The following USP32 variants were observed in gnomAD, a reference collection of about 807,000 sequenced individuals.
The protein encoded by USP32 is ubiquitin specific peptidase 32.
In USP32, 59 loss-of-function variants were observed where a neutral mutation model predicts 204.8. The ratio of observed to expected loss-of-function variants is 0.29; its 90% confidence interval spans 0.23 to 0.36. USP32 has a LOEUF of 0.36. Among genes scored for constraint, USP32 ranks in the 10% least tolerant of loss-of-function variants. USP32 has a pLI of 1.00. For synonymous variants in USP32, 517 were observed against 678.4 expected, an observed-to-expected ratio of 0.76 and a Z score of 3.70; for missense variants, 1,160 against 1,946.4, an observed-to-expected ratio of 0.60 and a Z score of 7.60.
At chr17:60,378,144 T>G (rs577183891) in intron 1 of USP32, among the ~76,000 whole-genome samples, 1 of 152,178 alleles carries the variant, frequency 6.6e-6, no homozygotes, top group Non-Finnish European at 1.5e-5. Flanking sequence ...AAGGATTGAA[T>G]AGACATGTCT....
intron 1 of USP32, among the ~76,000 whole-genome samples, chr17:60,380,091 G>C (rs1468519199): frequency 6.6e-6 from 1 of 152,188 alleles, no homozygotes; most frequent in Non-Finnish European, 1.5e-5. Flanking sequence ...TCCAAAGAAG[G>C]TAAGATTTAG....
intron 1 of USP32, among the ~76,000 whole-genome samples, chr17:60,346,941 G>A (rs1405143000): frequency 6.6e-6 from 1 of 152,178 alleles, no homozygotes; most frequent in Admixed American, 6.5e-5. Flanking sequence ...CCAAGTCACA[G>A]AGACTCTGTC....
At chr17:60,267,553 C>T (rs893378015) in intron 7 of USP32, among the ~76,000 whole-genome samples, 5 of 150,840 alleles carry the variant, frequency 3.3e-5, no homozygotes, top group African/African-American at 7.3e-5. Flanking sequence ...TTTGAGATGG[C>T]GTCTCGCTCT....
intron 9 of USP32, among the ~76,000 whole-genome samples, chr17:60,263,508 T>C (rs2086508353): frequency 7.2e-5 from 11 of 152,224 alleles, no homozygotes; most frequent in Admixed American, 7.2e-4. Flanking sequence ...TTCATTATCA[T>C]GGTTACATGG....
intron 4 of USP32, 83 bp downstream of exon 4, chr17:60,294,596 CTGTT>C (rs2145870121): frequency 2.6e-6 from 2 of 758,202 alleles, no homozygotes; most frequent in East Asian, 5.5e-5. Flanking sequence ...ACATAAACAT[CTGTT>C]TGTCATACTT....
rs1204259715 is a variant in USP32 at position 60,226,024 on chromosome 17, A to C, written c.1432+15T>G. ...GAATAAACCAATAAACCTCAGGGGA[A>C]TAGGTCATATTTACCGCTGCCAGCA... On this transcript the variant is annotated intron_variant, in intron 13 of 33. Coordinates refer to ENST00000300896, the MANE Select transcript of USP32 (RefSeq NM_032582.4). 24 of 1,585,364 alleles carry C rather than the reference A, an allele frequency of 1.5e-5. No homozygotes were observed. The East Asian group carries it at 5.5e-4, about 37-fold the overall frequency.
intron 1 of USP32, among the ~76,000 whole-genome samples, chr17:60,405,040 G>C (rs990347639): frequency 6.6e-6 from 1 of 152,010 alleles, no homozygotes; most frequent in Non-Finnish European, 1.5e-5. Flanking sequence ...TAGCCGGTAT[G>C]GTGCTGCACA....
intron 2 of USP32, among the ~76,000 whole-genome samples, chr17:60,320,553 C>A (rs971802649): frequency 6.6e-6 from 1 of 152,126 alleles, no homozygotes; most frequent in Admixed American, 6.5e-5. Flanking sequence ...AGGGAAGAAA[C>A]CGGGGTACCT....
chr17:60,403,193 G>T (rs1473054287), intron 1 of USP32, among the ~76,000 whole-genome samples: 1 of 152,086 alleles, frequency 6.6e-6, no homozygotes, highest in Non-Finnish European at 1.5e-5. Flanking sequence ...TGTATTTTTA[G>T]TAGAGACAGG....
intron 1 of USP32, among the ~76,000 whole-genome samples, chr17:60,356,601 TAC>T (rs2089084657): frequency 6.6e-6 from 1 of 152,138 alleles, no homozygotes; most frequent in Non-Finnish European, 1.5e-5. Context: ...CAAAAAAGAA[TAC>T]ACACTTTATA....
At chr17:60,181,072 T>C (rs113809019) in intron 32 of USP32, among the ~76,000 whole-genome samples, 1 of 151,670 alleles carries the variant, frequency 6.6e-6, no homozygotes, top group African/African-American at 2.4e-5. Context: ...TTTCTAGAGA[T>C]GGGGCCAGGC....
rs745443601 is a variant in USP32 at position 60,223,530 on chromosome 17, T to C, written c.1489A>G (p.Thr497Ala). The C allele has an allele frequency of 3.7e-6, 6 of 1,613,562 alleles. No homozygotes were observed. The East Asian group carries it at 8.9e-5, about 24-fold the overall frequency. Residue 497 changes from threonine (T) to alanine (A), a missense_variant, in exon 14 of 34, where the codon ACT (threonine) becomes GCT (alanine). By Grantham distance (58) the Thr-to-Ala change is moderately conservative. This residue lies in a region of USP32 where 536 missense variants were observed against 680.9 expected (regional missense o/e 0.79). Transcript: ENST00000300896. ...ADVCFARQHN[T>A]SDNNNQCLLG... Reference sequence around the variant, plus strand: ...AAACACTGGTTGTTATTGTCAGAAGTGTTATGTTGTCGAGCAAAGCAAACA... The same window carrying C: ...AAACACTGGTTGTTATTGTCAGAAGCGTTATGTTGTCGAGCAAAGCAAACA...
intron 29 of USP32, chr17:60,185,907 A>C (rs2084238991): frequency 2.8e-6 from 1 of 353,704 alleles, no homozygotes; most frequent in Non-Finnish European, 5.2e-6. Flanking sequence ...GTAAAAGAAA[A>C]ATCTAAAAAT....
chr17:60,344,595 C>T (rs1275901022), intron 2 of USP32, among the ~76,000 whole-genome samples: 2 of 151,968 alleles, frequency 1.3e-5, no homozygotes, highest in Non-Finnish European at 2.9e-5. Context: ...GACTTACAGG[C>T]ACACACCATC....
intron 1 of USP32, among the ~76,000 whole-genome samples, chr17:60,386,222 G>A (rs2089728198): frequency 6.6e-6 from 1 of 152,002 alleles, no homozygotes; most frequent in African/African-American, 2.4e-5. Flanking sequence ...AATATGTCAT[G>A]AGGCCCAAAA....
At chr17:60,320,040 TCTC>T (rs2088077076) in intron 2 of USP32, among the ~76,000 whole-genome samples, 1 of 152,108 alleles carries the variant, frequency 6.6e-6, no homozygotes, top group African/African-American at 2.4e-5. Context: ...TTGGAACTCT[TCTC>T]TCACACAATA....
At chr17:60,250,551 C>A (rs1229109907) in intron 11 of USP32, among the ~76,000 whole-genome samples, 2 of 151,994 alleles carry the variant, frequency 1.3e-5, no homozygotes. Flanking sequence ...ATTTTAAAAT[C>A]CTACGTTAAT....
At chr17:60,369,541 G>A (rs1332766783) in intron 1 of USP32, among the ~76,000 whole-genome samples, 1 of 151,200 alleles carries the variant, frequency 6.6e-6, no homozygotes, top group Admixed American at 6.6e-5. Flanking sequence ...TTGTTTTTCA[G>A]ATATATGTAA....
chr17:60,412,009 T>TCGGGAGGCTGAGGCAG (rs1567900855), intron 1 of USP32, among the ~76,000 whole-genome samples: 2 of 152,168 alleles, frequency 1.3e-5, no homozygotes, highest in African/African-American at 4.8e-5. Flanking sequence ...ATAATGCTTC[T>TCGGGAGGCTGAGGCAG]GTTTAGCAAA....
Sources: gnomAD v4.1 joint callset for allele counts (sites outside exome capture counted in the v4.1 genomes callset) on GRCh38, gnomAD v4.1.1 for gene constraint, gnomAD v4.1.1 regional missense constraint, MANE v1.5 for transcripts, NCBI Gene and HGNC (gene_info 2026-07-23, HGNC 2026-07-21) for gene names.